TRIM40: variants seen among roughly 807,000 people sequenced by gnomAD.
TRIM40 encodes tripartite motif containing 40.
Under a neutral mutation model 26.1 loss-of-function variants are expected in TRIM40, and 27 were observed. The observed-to-expected ratio is 1.04, with a 90% CI of 0.76 to 1.43. The LOEUF is 1.43. Among genes scored for constraint, TRIM40 ranks in the 40% most tolerant of loss-of-function variants. The pLI is 0.00. For synonymous variants in TRIM40, 114 were observed against 120.0 expected (o/e 0.95, Z 0.33); for missense variants, 289 against 307.9 (o/e 0.94, Z 0.46).
intron 3 of TRIM40, 149 bp from the exon 4 acceptor site, chr6:30,146,836 C>A (rs1002774432): frequency 3.7e-5 from 27 of 730,954 alleles, no homozygotes; most frequent in Admixed American, 1.1e-4. Flanking sequence ...AGAATCAAAG[C>A]TGCTTCTGCT....
intron 2 of TRIM40, among the ~76,000 whole-genome samples, chr6:30,138,440 T>C (rs1048339434): frequency 5.3e-5 from 8 of 152,232 alleles, no homozygotes; most frequent in Non-Finnish European, 1.0e-4. Flanking sequence ...ATGATTCATA[T>C]AGTTTCCCCA....
At chr6:30,138,215 A>T (rs114036014) in intron 2 of TRIM40, among the ~76,000 whole-genome samples, 1 of 152,212 alleles carries the variant, frequency 6.6e-6, no homozygotes, top group East Asian at 1.9e-4. Flanking sequence ...GTGTGGTATT[A>T]AATTCTATGA....
chr6:30,145,947 G>A (rs752638206), intron 2 of TRIM40, 47 bp from the exon 3 acceptor site: 1 of 1,495,702 alleles, frequency 6.7e-7, no homozygotes, highest in Non-Finnish European at 9.3e-7. Context: ...CCCAGTGGGT[G>A]CCCCCCTCAC....
chr6:30,145,976 G>A lies in TRIM40; in HGVS notation c.346-18G>A, dbSNP rs1204563176. ...CCCTCACTCCCAGTCTGACAAGCAG[G>A]TGTGTCTGTCTCTTTAGGAACGACT... On this transcript the variant is annotated intron_variant, in intron 2 of 5. Coordinates refer to ENST00000396581, the MANE Select transcript of TRIM40 (RefSeq NM_001286633.2). 9 of 1,609,334 alleles carry A rather than the reference G, an allele frequency of 5.6e-6. No homozygotes were observed. The highest frequency in any genetic ancestry group is 4.2e-6 in the Non-Finnish European group (5 of 1,176,790).
intron 2 of TRIM40, among the ~76,000 whole-genome samples, chr6:30,139,847 T>G (rs1187065899): frequency 2.6e-5 from 4 of 152,162 alleles, no homozygotes; most frequent in African/African-American, 2.4e-5. Flanking sequence ...CGACAGGACT[T>G]ACTGAGAGAT....
chr6:30,144,888 C>T (rs866653788), intron 2 of TRIM40, among the ~76,000 whole-genome samples: 29 of 152,280 alleles, frequency 1.9e-4, no homozygotes, highest in Middle Eastern at 6.8e-3. Context: ...CCTTCTTCAG[C>T]GAGACTCATG....
At position 30,147,969 on chromosome 6, in the gene TRIM40, C is replaced by G; in HGVS notation, c.*157C>G. On this transcript the variant is annotated 3_prime_UTR_variant, in exon 6 of 6. Transcript: ENST00000396581. ...ATTTCTTCATGTCCACAGTCATCAC[C>G]TGATGCCTGACCCTCTGACTCTTGG... is the stretch of plus-strand genomic sequence containing the variant. 1 of 638,764 alleles carries G rather than the reference C, an allele frequency of 1.6e-6. No individual in the cohort carries two copies. The highest frequency in any genetic ancestry group is 2.8e-6 in the Non-Finnish European group (1 of 360,904). 39.6% of individuals were successfully genotyped at this position (638,764 alleles called of 1,614,324 possible).
intron 2 of TRIM40, among the ~76,000 whole-genome samples, chr6:30,140,989 A>G (rs975046575): frequency 5.9e-5 from 9 of 152,162 alleles, no homozygotes; most frequent in African/African-American, 2.2e-4. Context: ...GACAATATTT[A>G]AATCCAAGAA....
chr6:30,144,840 T>G (rs1379785729), intron 2 of TRIM40, among the ~76,000 whole-genome samples: 1 of 152,190 alleles, frequency 6.6e-6, no homozygotes, highest in East Asian at 1.9e-4. Flanking sequence ...GGACATGAAC[T>G]CTTGTGCTCG....
intron 2 of TRIM40, among the ~76,000 whole-genome samples, chr6:30,142,020 T>C (rs1329799612): frequency 6.6e-6 from 1 of 152,130 alleles, no homozygotes; most frequent in Non-Finnish European, 1.5e-5. Context: ...GGGAGTTGAG[T>C]ATATTTCTGA....
intron 2 of TRIM40, among the ~76,000 whole-genome samples, chr6:30,139,620 A>C (rs1268355264): frequency 6.6e-6 from 1 of 152,100 alleles, no homozygotes; most frequent in African/African-American, 2.4e-5. Context: ...GTAACTTTTT[A>C]TTAGTTAGGA....
intron 3 of TRIM40, among the ~76,000 whole-genome samples, chr6:30,146,432 G>GA (rs1168926511): frequency 6.7e-6 from 1 of 149,022 alleles, no homozygotes; most frequent in African/African-American, 2.5e-5. Context: ...TTTTTTTTGA[G>GA]ATGGAGCCTT....
intron 4 of TRIM40, 72 bp from the exon 5 acceptor site, chr6:30,147,448 A>G: frequency 3.7e-6 from 6 of 1,610,696 alleles, no homozygotes; most frequent in Non-Finnish European, 5.1e-6. Flanking sequence ...TCCAAGAGTG[A>G]ATTGGGAAAG....
rs1771709908 is a variant in TRIM40 at position 30,147,073 on chromosome 6, A to C, written c.530A>C (p.Gln177Pro). 1 of 1,613,462 alleles carries C rather than the reference A, an allele frequency of 6.2e-7. No homozygotes were observed. The highest frequency in any genetic ancestry group is 1.1e-5 in the South Asian group (1 of 91,084). ...GAACAGCTGGGTGCCCTCCCTCAGC[A>C]GTGGCTGGGCCAGCTGGAGCACATG... ...TREQLGALPQQWLGQLEHMPA... is the reference protein window; with the variant it reads ...TREQLGALPQPWLGQLEHMPA... The change falls in exon 4 of 6, where the codon CAG becomes CCG. Residue 177 changes from glutamine to proline, a missense_variant. Transcript: ENST00000396581.
chr6:30,142,102 G>GT (rs145380596), intron 2 of TRIM40, among the ~76,000 whole-genome samples: 28,286 of 150,684 alleles, frequency 0.19, 3,024 homozygotes, highest in East Asian at 0.24. Context: ...ATTAAGGAGG[G>GT]TTTTTTTTTA....
intron 2 of TRIM40, among the ~76,000 whole-genome samples, chr6:30,144,986 C>T (rs908317178): frequency 2.0e-5 from 3 of 152,138 alleles, no homozygotes; most frequent in Non-Finnish European, 4.4e-5. Flanking sequence ...AGGAAACACC[C>T]AGTGACGTGA....
In TRIM40 at chr6:30,145,991, T is replaced by C. The variant is rs749763513; in HGVS notation, c.346-3T>C. 1.6e-5 allele frequency: 26 copies of C among 1,612,774 alleles called. No individual in the cohort carries two copies. Among genetic ancestry groups the C allele is most frequent in the Admixed American group, 3.3e-5 (2 of 60,010 alleles). On this transcript the variant is annotated splice_polypyrimidine_tract_variant and splice_region_variant and intron_variant, in intron 2 of 5. Coordinates refer to ENST00000396581, the MANE Select transcript of TRIM40 (RefSeq NM_001286633.2). ...TGACAAGCAGGTGTGTCTGTCTCTT[T>C]AGGAACGACTCAATCGCCGGAGCAG...
intron 2 of TRIM40, among the ~76,000 whole-genome samples, chr6:30,139,388 A>G (rs536797397): frequency 0.011 from 1,611 of 145,894 alleles, 25 homozygotes; most frequent in African/African-American, 0.034. Flanking sequence ...CTGTCACCCA[A>G]GCTGGAGAGC....
At position 30,147,036 on chromosome 6, in the gene TRIM40, C is replaced by T. The variant is rs765894909; in HGVS notation, c.493C>T (p.His165Tyr). 6.2e-7 allele frequency: 1 copy of T among 1,612,662 alleles called. No homozygotes were observed. Among genetic ancestry groups the T allele is most frequent in the Non-Finnish European group, 8.5e-7 (1 of 1,179,440 alleles). The change falls in exon 4 of 6, where the codon CAC becomes TAC. Residue 165 changes from histidine (H) to tyrosine (Y), a missense_variant. His to Tyr is a moderately conservative substitution (Grantham distance 83). Transcript: ENST00000396581. ...HRLEAGPESQ[H>Y]QTREQLGALP... ...GCTGGAGGCTGGGCCGGAGAGCCAG[C>T]ACCAAACCAGGGAACAGCTGGGTGC...
Sources: allele counts gnomAD v4.1 joint callset (sites outside exome capture counted in the v4.1 genomes callset), GRCh38; gene constraint gnomAD v4.1.1; transcripts MANE v1.5; gene names NCBI Gene and HGNC (gene_info 2026-07-23, HGNC 2026-07-21).